The following FBXL7 variants were observed in gnomAD, a reference collection of about 807,000 sequenced individuals.
FBXL7 encodes F-box/LRR-repeat protein 7.
FBXL7 carries 12 observed loss-of-function variants against 38.3 expected under a neutral mutation model. The ratio of observed to expected loss-of-function variants is 0.31; its 90% CI spans 0.20 to 0.51. FBXL7 has a LOEUF of 0.51. FBXL7 is among the 20% of genes least tolerant of loss of function. The pLI is 0.98. For synonymous variants in FBXL7, 297 were observed against 300.9 expected (o/e 0.99, Z 0.13); for missense variants, 567 against 676.4 (o/e 0.84, Z 1.79).
At chr5:15,568,317 T>C (rs1358431419) in intron 1 of FBXL7, among the ~76,000 whole-genome samples, 1 of 152,212 alleles carries the variant, frequency 6.6e-6, no homozygotes, top group Non-Finnish European at 1.5e-5. Flanking sequence ...TATCTCATAG[T>C]GGTTTTGATT....
chr5:15,853,660 T>C (rs577573901), intron 2 of FBXL7, among the ~76,000 whole-genome samples: 62 of 152,268 alleles, frequency 4.1e-4, no homozygotes, highest in African/African-American at 1.5e-3. Context: ...GGCAGGTGGA[T>C]GCATGCTCTG....
At chr5:15,901,219 G>T (rs1741225642) in intron 2 of FBXL7, among the ~76,000 whole-genome samples, 1 of 152,204 alleles carries the variant, frequency 6.6e-6, no homozygotes, top group Non-Finnish European at 1.5e-5. Context: ...CACAGCTGGA[G>T]GCTGAGGGGT....
chr5:15,713,544 G>T (rs1743946375), intron 2 of FBXL7, among the ~76,000 whole-genome samples: 1 of 152,154 alleles, frequency 6.6e-6, no homozygotes, highest in East Asian at 1.9e-4. Flanking sequence ...TTACCTTTTT[G>T]TTGGCATTCA....
intron 1 of FBXL7, among the ~76,000 whole-genome samples, chr5:15,539,722 G>C (rs1008510100): frequency 2.6e-5 from 4 of 151,062 alleles, no homozygotes; most frequent in Non-Finnish European, 5.9e-5. Context: ...AAATCTCCTA[G>C]GCTTTTTTTT....
chr5:15,600,878 G>C (rs1739769187), intron 1 of FBXL7, among the ~76,000 whole-genome samples: 2 of 152,150 alleles, frequency 1.3e-5, no homozygotes, highest in East Asian at 1.9e-4. Flanking sequence ...GTCTGTAACT[G>C]TCTGTCTGTC....
intron 2 of FBXL7, among the ~76,000 whole-genome samples, chr5:15,730,909 C>CA (rs1317253342): frequency 6.6e-6 from 1 of 152,130 alleles, no homozygotes; most frequent in African/African-American, 2.4e-5. Context: ...ATTCATTACT[C>CA]TAATGTTCTA....
At position 15,931,745 on chromosome 5, in the gene FBXL7, AAC is replaced by A. The variant is rs564570567; in HGVS notation, c.739+3248_739+3249del. Among the ~76,000 whole-genome samples, 292 of 152,166 alleles carry A rather than the reference AAC, an allele frequency of 1.9e-3. 1 individual carries two copies. The highest frequency in any genetic ancestry group is 6.8e-3 in the African/African-American group (281 of 41,516). On this transcript the variant is annotated intron_variant, in intron 3 of 3. Transcript: ENST00000504595. ...GAACCATCTTATCTGCATGTCCCAA[AAC>A]ACATCCTATCTGTGCATACGATGAT...
At position 15,503,150 on chromosome 5, in the gene FBXL7, G is replaced by T. The variant is rs117903964; in HGVS notation, c.37+2437G>T. ...GTAACAATAGCTGAGGTCGGGCGCG[G>T]TGGCCCACACCTGTAATCCCACCAA... On this transcript the variant is annotated intron_variant, in intron 1 of 3. Coordinates refer to ENST00000504595, the MANE Select transcript of FBXL7 (RefSeq NM_012304.5). Among the ~76,000 whole-genome samples, 187 of 152,328 alleles carry T rather than the reference G, an allele frequency of 1.2e-3. 3 individuals carry two copies. The East Asian group carries it at 0.029, about 23-fold the overall frequency.
At chr5:15,540,416 T>C (rs1737708531) in intron 1 of FBXL7, among the ~76,000 whole-genome samples, 1 of 152,180 alleles carries the variant, frequency 6.6e-6, no homozygotes, top group South Asian at 2.1e-4. Flanking sequence ...CAATTTCATA[T>C]CTCAAGGTGC....
At chr5:15,863,860 G>A (rs1430460693) in intron 2 of FBXL7, among the ~76,000 whole-genome samples, 1 of 152,138 alleles carries the variant, frequency 6.6e-6, no homozygotes, top group African/African-American at 2.4e-5. Context: ...CTTCCACCAT[G>A]AGTGGAAGCA....
At chr5:15,542,867 G>A (rs1187755382) in intron 1 of FBXL7, among the ~76,000 whole-genome samples, 1 of 152,182 alleles carries the variant, frequency 6.6e-6, no homozygotes, top group East Asian at 1.9e-4. Flanking sequence ...CACTTTACAC[G>A]AACAAGATCA....
In FBXL7 at chr5:15,700,116, A is replaced by T. The variant is rs567635073; in HGVS notation, c.127+84044A>T. On this transcript the variant is annotated intron_variant, in intron 2 of 3. Coordinates refer to ENST00000504595, the MANE Select transcript of FBXL7 (RefSeq NM_012304.5). ...GTTTGATTTTTCCACCATTTTAATTATCAGAAAGATGATGAAAATTGGGTT... is the reference window on the plus strand; with the variant it reads ...GTTTGATTTTTCCACCATTTTAATTTTCAGAAAGATGATGAAAATTGGGTT... 2.6e-5 allele frequency among the ~76,000 whole-genome samples: 4 copies of T among 152,328 alleles called. No individual in the cohort carries two copies. In the South Asian group the frequency reaches 8.3e-4, roughly 32 times the overall value.
intron 1 of FBXL7, among the ~76,000 whole-genome samples, chr5:15,516,998 GTTTTTTAT>G (rs1220755404): frequency 3.9e-5 from 6 of 152,054 alleles, no homozygotes; most frequent in East Asian, 3.9e-4. Flanking sequence ...TAGATATTGG[GTTTTTTAT>G]TTTTTTATTT....
intron 2 of FBXL7, among the ~76,000 whole-genome samples, chr5:15,890,928 G>A (rs1442908283): frequency 1.3e-5 from 2 of 150,632 alleles, no homozygotes; most frequent in Non-Finnish European, 3.0e-5. Context: ...CTTGAATAGT[G>A]ATATATTTAA....
intron 2 of FBXL7, among the ~76,000 whole-genome samples, chr5:15,890,432 G>A (rs187349637): frequency 5.5e-4 from 84 of 152,086 alleles, no homozygotes; most frequent in Non-Finnish European, 9.3e-4. Context: ...GTACAGACGG[G>A]GTTTCTCCAT....
rs190096096 is a variant in FBXL7, at chr5:15,775,026, T to C, written c.128-152864T>C. On this transcript the variant is annotated intron_variant, in intron 2 of 3. Coordinates refer to ENST00000504595, the MANE Select transcript of FBXL7 (RefSeq NM_012304.5). ...GCATAGCCCTTGACAGATCACCAGGTAGAAAACAGAAAACATTTCTGACAT... is the reference window on the plus strand; with the variant it reads ...GCATAGCCCTTGACAGATCACCAGGCAGAAAACAGAAAACATTTCTGACAT... Among the ~76,000 whole-genome samples, 3 of 152,258 alleles carry C rather than the reference T, an allele frequency of 2.0e-5. No individual in the cohort carries two copies. In the East Asian group the frequency reaches 5.8e-4, roughly 29 times the overall value.
chr5:15,919,180 G>A (rs1442696979), intron 2 of FBXL7, among the ~76,000 whole-genome samples: 1 of 152,148 alleles, frequency 6.6e-6, no homozygotes, highest in African/African-American at 2.4e-5. Context: ...TAATCAGAGG[G>A]GGAAGATGAA....
At chr5:15,558,714 G>A (rs1738324276) in intron 1 of FBXL7, among the ~76,000 whole-genome samples, 1 of 152,210 alleles carries the variant, frequency 6.6e-6, no homozygotes, top group Non-Finnish European at 1.5e-5. Context: ...AACCCACATT[G>A]TATAGTGTCC....
intron 2 of FBXL7, among the ~76,000 whole-genome samples, chr5:15,793,766 T>C (rs1338526505): frequency 3.3e-5 from 5 of 152,242 alleles, no homozygotes; most frequent in African/African-American, 1.2e-4. Context: ...AGCCAGATTC[T>C]AACAGACACT....
Sources: gnomAD v4.1 joint callset for allele counts (sites outside exome capture counted in the v4.1 genomes callset) on GRCh38, gnomAD v4.1.1 for gene constraint, MANE v1.5 for transcripts, NCBI Gene and HGNC (gene_info 2026-07-23, HGNC 2026-07-21) for gene names.